The following THRAP3 variants were observed in gnomAD, a reference collection of about 807,000 sequenced individuals.
THRAP3 encodes thyroid hormone receptor associated protein 3, also known as thyroid hormone receptor-associated protein 3.
In THRAP3, 16 loss-of-function variants were observed where a neutral mutation model predicts 101.0. The observed-to-expected ratio is 0.16, with a 90% CI of 0.11 to 0.24. The LOEUF (loss-of-function observed/expected upper bound fraction) is 0.24. Among genes scored for constraint, THRAP3 ranks in the 10% least tolerant of loss-of-function variants. The probability of loss-of-function intolerance (pLI) is 1.00; values close to 1 mark genes in which losing one functional copy is unlikely to be tolerated. For missense variants in THRAP3, 989 were observed against 1,202.7 expected, an observed-to-expected ratio of 0.82 and a Z score of 2.63; for synonymous variants, 407 against 422.6, an observed-to-expected ratio of 0.96 and a Z score of 0.45.
In THRAP3 at chr1:36,304,446, CTTTTT is replaced by C. The variant is rs78206872; in HGVS notation, c.*442_*446del. 8.2e-5 allele frequency: 15 copies of C among 183,702 alleles called. No individual in the cohort carries two copies. The highest frequency in any genetic ancestry group is 1.4e-4 in the Non-Finnish European group (13 of 92,906). 11.4% of individuals were successfully genotyped at this position (183,702 alleles called of 1,614,324 possible). A position where few individuals can be genotyped will look rare whatever the true frequency, so the allele number is the denominator to read the frequency against. On this transcript the variant is annotated 3_prime_UTR_variant, in exon 12 of 12. Coordinates refer to ENST00000354618, the MANE Select transcript of THRAP3 (RefSeq NM_005119.4). The stretch of plus-strand genomic sequence containing the variant: ...CTGTCCTGATTTTAAAAGCCCCCTC[CTTTTT>C]TTTTTTTTTTTTCTTTTTTTAGGCA...
intron 2 of THRAP3, among the ~76,000 whole-genome samples, chr1:36,259,900 G>A (rs960298120): frequency 6.6e-6 from 1 of 152,158 alleles, no homozygotes; most frequent in Non-Finnish European, 1.5e-5. Flanking sequence ...AATATTTTGG[G>A]AAGCAGTCCC....
chr1:36,259,953 A>C (rs1239115746), intron 2 of THRAP3, among the ~76,000 whole-genome samples: 1 of 151,974 alleles, frequency 6.6e-6, no homozygotes, highest in Non-Finnish European at 1.5e-5. Flanking sequence ...GTTTTAATTA[A>C]AATTGGGGGC....
Position 36,300,614 on chromosome 1 carries a change from G to A in THRAP3, c.2304-272G>A, listed in dbSNP as rs150323250. The stretch of plus-strand genomic sequence containing the variant: ...CTGTATCTTAGACTGAGCTCCTGGA[G>A]GCCATGGACTGTGTTTTGTTCCTGC... On this transcript the variant is annotated intron_variant, in intron 9 of 11. Transcript: ENST00000354618. Among the ~76,000 whole-genome samples the A allele has an allele frequency of 6.1e-3, 930 of 152,250 alleles. 8 individuals carry two copies. Among genetic ancestry groups the A allele is most frequent in the African/African-American group, 0.021 (892 of 41,538 alleles).
intron 1 of THRAP3, among the ~76,000 whole-genome samples, chr1:36,252,912 A>G (rs1645320534): frequency 7.5e-6 from 1 of 133,384 alleles, no homozygotes; most frequent in Non-Finnish European, 1.6e-5. Context: ...GTCTCAAAAA[A>G]TATATATAGA....
At chr1:36,241,418 T>C (rs375826521) in intron 1 of THRAP3, among the ~76,000 whole-genome samples, 8 of 102,972 alleles carry the variant, frequency 7.8e-5, no homozygotes, top group South Asian at 3.5e-4. Flanking sequence ...TATATATATA[T>C]ATATATATAT....
the THRAP3 span, among the ~76,000 whole-genome samples, chr1:36,211,402 G>T: frequency 3.3e-5 from 5 of 151,752 alleles, no homozygotes; most frequent in Non-Finnish European, 4.4e-5. Context: ...GCAGAGCTTT[G>T]TGGTGCATGC....
intron 2 of THRAP3, among the ~76,000 whole-genome samples, chr1:36,274,057 G>A (rs1203527455): frequency 1.1e-5 from 1 of 89,452 alleles, no homozygotes; most frequent in Non-Finnish European, 2.2e-5. Context: ...AAAAAAAAAA[G>A]ACTGTGTGTG....
At position 36,286,755 on chromosome 1, in the gene THRAP3, G is replaced by T; in HGVS notation, c.525G>T (p.Lys175Asn). 6.2e-7 allele frequency: 1 copy of T among 1,614,210 alleles called. No homozygotes were observed. The highest frequency in any genetic ancestry group is 8.5e-7 in the Non-Finnish European group (1 of 1,180,036). Residue 175 changes from lysine (K) to asparagine (N), a missense_variant, in exon 4 of 12, where the codon AAG (lysine) becomes AAT (asparagine). By Grantham distance (94) the Lys-to-Asn change is moderately conservative. Transcript: ENST00000354618. This position sits in a 1 kb window ranked among gnomAD's most constrained non-coding sequence, Gnocchi z 5.5. ...GCCGAGTTGAATCTTCTAAGCGCAAGTCTGCAAAGGAGAAAAAGTCCTCTT... is the reference window on the plus strand; with the variant it reads ...GCCGAGTTGAATCTTCTAAGCGCAATTCTGCAAAGGAGAAAAAGTCCTCTT... ...NHSRVESSKR[K>N]SAKEKKSSSK...
intron 1 of THRAP3, among the ~76,000 whole-genome samples, chr1:36,226,166 G>A (rs1163054617): frequency 2.6e-5 from 4 of 152,146 alleles, no homozygotes; most frequent in Admixed American, 2.0e-4. Flanking sequence ...ATTTTGTTCC[G>A]AGGAATTGGA....
At position 36,295,954 on chromosome 1, in the gene THRAP3, C is replaced by CTTTTT. The variant is rs575028397; in HGVS notation, c.2116-596_2116-592dup. ...CCAGAGCTAATTTTAGCCTTCTCAA[C>CTTTTT]TTTTTTTTTTTTTTTTTTTTTTTTT... On this transcript the variant is annotated intron_variant, in intron 8 of 11. Transcript: ENST00000354618. 3.6e-4 allele frequency among the ~76,000 whole-genome samples: 22 copies of CTTTTT among 60,494 alleles called. 2 individuals are homozygous for CTTTTT. Among genetic ancestry groups the CTTTTT allele is most frequent in the African/African-American group, 5.1e-4 (7 of 13,766 alleles). The allele number at this position is 60,494 out of a possible 152,430, so 39.7% of individuals were successfully genotyped here.
rs752103663 is a variant in THRAP3, at chr1:36,303,960, C to G, written c.2811C>G (p.Asp937Glu). The change falls in exon 12 of 12, where the codon GAC becomes GAG. Residue 937 changes from aspartate (D) to glutamate (E), a missense_variant. By Grantham distance (45) the Asp-to-Glu change is conservative. Transcript: ENST00000354618. ...FSGEEGEIED[D>E]ESGTENREEK... ...GGGAGGAAGGGGAGATTGAAGACGACGAGAGTGGGACAGAGAACCGAGAAG... is the reference window on the plus strand; with the variant it reads ...GGGAGGAAGGGGAGATTGAAGACGAGGAGAGTGGGACAGAGAACCGAGAAG... 2 of 1,610,550 alleles carry G rather than the reference C, an allele frequency of 1.2e-6. No individual in the cohort carries two copies. The highest frequency in any genetic ancestry group is 1.7e-6 in the Non-Finnish European group (2 of 1,178,418).
chr1:36,287,982 C>T, intron 4 of THRAP3: 2 of 957,428 alleles, frequency 2.1e-6, no homozygotes, highest in Non-Finnish European at 2.5e-6. Flanking sequence ...ACTAACCCAG[C>T]AAGTGGCTCC....
upstream of THRAP3, among the ~76,000 whole-genome samples, chr1:36,220,982 T>A (rs868073186): frequency 7.0e-3 from 886 of 126,116 alleles, 22 homozygotes; most frequent in African/African-American, 0.027. Context: ...AATATATATA[T>A]ATATATATAT....
At chr1:36,237,091 G>A (rs1162688592) in intron 1 of THRAP3, among the ~76,000 whole-genome samples, 1 of 152,032 alleles carries the variant, frequency 6.6e-6, no homozygotes, top group African/African-American at 2.4e-5. Flanking sequence ...CAGGAGAATC[G>A]CTTGAACCTG....
chr1:36,243,732 G>A (rs1400438558), intron 1 of THRAP3, among the ~76,000 whole-genome samples: 2 of 152,026 alleles, frequency 1.3e-5, no homozygotes, highest in Admixed American at 6.6e-5. Flanking sequence ...CAGACGGGGC[G>A]GTGGCCGGGC....
the THRAP3 span, among the ~76,000 whole-genome samples, chr1:36,210,810 C>T: frequency 7.2e-6 from 1 of 138,050 alleles, no homozygotes; most frequent in African/African-American, 2.7e-5. Context: ...TTTATCTGTG[C>T]ACTGGAATCA....
At chr1:36,249,193 CTTTTTT>C (rs35410710) in intron 1 of THRAP3, among the ~76,000 whole-genome samples, 1 of 117,522 alleles carries the variant, frequency 8.5e-6, no homozygotes, top group Non-Finnish European at 1.8e-5. Context: ...AGCACAGTCC[CTTTTTT>C]TTTTTTTTTT....
intron 8 of THRAP3, among the ~76,000 whole-genome samples, chr1:36,295,487 T>C (rs1413335202): frequency 6.6e-6 from 1 of 152,032 alleles, no homozygotes; most frequent in African/African-American, 2.4e-5. Flanking sequence ...GGTGTGCTGT[T>C]GCTGCTGCAA....
Position 36,265,144 on chromosome 1 carries a change from A to G in THRAP3, c.-32+5660A>G, listed in dbSNP as rs1446483108. Among the ~76,000 whole-genome samples, 4 of 152,250 alleles carry G rather than the reference A, an allele frequency of 2.6e-5. No individual in the cohort carries two copies. In the East Asian group the frequency reaches 7.7e-4, roughly 29 times the overall value. On this transcript the variant is annotated intron_variant, in intron 2 of 11. Transcript: ENST00000354618. ...GATGGGTCACAACTGGACCCATAACAGTTCCTATGTACCCCATGCCCAGTT... is the reference window on the plus strand; with the variant it reads ...GATGGGTCACAACTGGACCCATAACGGTTCCTATGTACCCCATGCCCAGTT...
Sources: allele counts gnomAD v4.1 joint callset (sites outside exome capture counted in the v4.1 genomes callset), GRCh38; gene constraint gnomAD v4.1.1; non-coding constraint Gnocchi (gnomAD v3.1); transcripts MANE v1.5; gene names NCBI Gene and HGNC (gene_info 2026-07-23, HGNC 2026-07-21).